Variants in AGBL4 observed in about 807,000 individuals in gnomAD.
AGBL4 encodes cytosolic carboxypeptidase 6.
In AGBL4, 58 loss-of-function variants were observed where a neutral mutation model predicts 66.4. The observed-to-expected ratio is 0.87, with a 90% CI of 0.71 to 1.09. AGBL4 has a LOEUF of 1.09. AGBL4 is among the 50% of genes least tolerant of loss of function. AGBL4 has a pLI of 0.00. For missense variants in AGBL4, 579 were observed against 631.0 expected (o/e 0.92, Z 0.88); for synonymous variants, 234 against 222.9 (o/e 1.05, Z -0.44).
chr1:48,549,629 C>T (rs1478142646), intron 11 of AGBL4, among the ~76,000 whole-genome samples: 1 of 151,784 alleles, frequency 6.6e-6, no homozygotes, highest in Non-Finnish European at 1.5e-5. Context: ...AGAAACTGGT[C>T]AGGATGAGGC....
chr1:48,759,463 A>C lies in AGBL4; in HGVS notation c.635-96222T>G. On this transcript the variant is annotated intron_variant, in intron 6 of 13. Coordinates refer to ENST00000371839, the MANE Select transcript of AGBL4 (RefSeq NM_032785.4). ...TTTATAAATGGGGAAACATTTTATA[A>C]ATTTTATAAATGGGGTTCCGAGTGG... is the stretch of plus-strand genomic sequence containing the variant. 2.5e-6 allele frequency: 3 copies of C among 1,211,158 alleles called. No individual in the cohort carries two copies. The South Asian group carries it at 5.0e-5, about 20-fold the overall frequency. The allele number at this position is 1,211,158 out of a possible 1,614,324, so 75.0% of individuals were successfully genotyped here. A position where few individuals can be genotyped will look rare whatever the true frequency, so the allele number is the denominator to read the frequency against.
At chr1:49,135,638 G>A (rs374495886) in intron 4 of AGBL4, among the ~76,000 whole-genome samples, 2 of 152,290 alleles carry the variant, frequency 1.3e-5, no homozygotes, top group East Asian at 3.9e-4. Flanking sequence ...GGAATAGGTT[G>A]GGCTAGTTAA....
At chr1:48,601,581 T>C (rs1208550406) in intron 9 of AGBL4, among the ~76,000 whole-genome samples, 2 of 152,228 alleles carry the variant, frequency 1.3e-5, no homozygotes, top group Non-Finnish European at 2.9e-5. Context: ...TTCTTCCTTG[T>C]TCAATATGAA....
At chr1:49,125,374 T>C (rs564597100) in intron 4 of AGBL4, among the ~76,000 whole-genome samples, 10 of 152,246 alleles carry the variant, frequency 6.6e-5, no homozygotes, top group African/African-American at 2.4e-4. Context: ...TTCAAATAAT[T>C]TTCCCCTAGT....
intron 4 of AGBL4, among the ~76,000 whole-genome samples, chr1:49,122,152 C>T (rs1463129714): frequency 5.3e-5 from 8 of 152,206 alleles, no homozygotes; most frequent in African/African-American, 9.7e-5. Flanking sequence ...AATCCCTCAA[C>T]CCCTTGCACT....
At chr1:49,737,768 C>T (rs1297502697) in intron 2 of AGBL4, among the ~76,000 whole-genome samples, 1 of 152,168 alleles carries the variant, frequency 6.6e-6, no homozygotes, top group African/African-American at 2.4e-5. Flanking sequence ...ATTCAGAGTG[C>T]TGAAAGAAAA....
intron 3 of AGBL4, among the ~76,000 whole-genome samples, chr1:49,561,778 G>A (rs1389410300): frequency 1.3e-5 from 2 of 152,122 alleles, no homozygotes; most frequent in Non-Finnish European, 2.9e-5. Context: ...ACGTGTGCAT[G>A]TGTCTTTATA....
At chr1:49,899,432 A>C (rs1392216954) in intron 1 of AGBL4, among the ~76,000 whole-genome samples, 1 of 152,092 alleles carries the variant, frequency 6.6e-6, no homozygotes, top group Admixed American at 6.6e-5. Context: ...TGATGGATAC[A>C]CAATATACAC....
At chr1:49,867,389 T>A (rs1646728896) in intron 1 of AGBL4, among the ~76,000 whole-genome samples, 1 of 151,320 alleles carries the variant, frequency 6.6e-6, no homozygotes, top group Non-Finnish European at 1.5e-5. Context: ...GTGCACAACA[T>A]GCAGGTTTGT....
At chr1:48,762,519 C>T (rs1644313112) in intron 6 of AGBL4, among the ~76,000 whole-genome samples, 1 of 151,934 alleles carries the variant, frequency 6.6e-6, no homozygotes, top group South Asian at 2.1e-4. Context: ...TCAAAGGTTC[C>T]CACTGGTGTA....
chr1:49,650,576 CT>C (rs1420424215), intron 3 of AGBL4, among the ~76,000 whole-genome samples: 1 of 152,184 alleles, frequency 6.6e-6, no homozygotes, highest in Non-Finnish European at 1.5e-5. Flanking sequence ...GGCCATTGCT[CT>C]TCCTGGGGAT....
chr1:48,926,859 C>T (rs1201802893), intron 5 of AGBL4, among the ~76,000 whole-genome samples: 3 of 151,996 alleles, frequency 2.0e-5, no homozygotes, highest in Non-Finnish European at 2.9e-5. Flanking sequence ...GTGTTAGTAG[C>T]AATAGTAGTA....
At chr1:48,578,601 C>T (rs928169041) in intron 11 of AGBL4, among the ~76,000 whole-genome samples, 2 of 152,156 alleles carry the variant, frequency 1.3e-5, no homozygotes, top group East Asian at 3.9e-4. Context: ...TTAGTGAAGG[C>T]TCTCTGGCAA....
At chr1:49,651,795 G>A (rs1646011662) in intron 3 of AGBL4, among the ~76,000 whole-genome samples, 1 of 152,128 alleles carries the variant, frequency 6.6e-6, no homozygotes, top group African/African-American at 2.4e-5. Flanking sequence ...AACTCTGGCA[G>A]TACAAAAAGA....
chr1:48,731,164 C>T (rs1648067588), intron 6 of AGBL4, among the ~76,000 whole-genome samples: 1 of 152,108 alleles, frequency 6.6e-6, no homozygotes, highest in South Asian at 2.1e-4. Context: ...AGACAGCTTG[C>T]ATGGGAAGAA....
intron 3 of AGBL4, among the ~76,000 whole-genome samples, chr1:49,537,006 CAAA>C (rs998466304): frequency 1.5e-5 from 2 of 130,356 alleles, no homozygotes; most frequent in Non-Finnish European, 1.6e-5. Context: ...GACTCCATCT[CAAA>C]AAAAAAAAAA....
intron 1 of AGBL4, among the ~76,000 whole-genome samples, chr1:49,998,929 C>T (rs1660552898): frequency 6.6e-6 from 1 of 151,852 alleles, no homozygotes; most frequent in Admixed American, 6.6e-5. Context: ...GGAAGGGACA[C>T]CCCTTAGGTA....
intron 3 of AGBL4, among the ~76,000 whole-genome samples, chr1:49,637,130 T>C (rs1645690063): frequency 6.6e-6 from 1 of 152,164 alleles, no homozygotes. Flanking sequence ...GGACTGGGAC[T>C]GGCTCTCCTT....
rs141416135 is a variant in AGBL4, at chr1:49,735,294, T to TGG, written c.158-37859_158-37858dup. Among the ~76,000 whole-genome samples, 150 of 105,204 alleles carry TGG rather than the reference T, an allele frequency of 1.4e-3. 1 individual carries two copies. The highest frequency in any genetic ancestry group is 0.011 in the Admixed American group (120 of 10,476). The allele number at this position is 105,204 out of a possible 152,430, so 69.0% of individuals were successfully genotyped here. A position where few individuals can be genotyped will look rare whatever the true frequency, so the allele number is the denominator to read the frequency against. ...CTTAAAACAAAGAGGTAGAGGTGTGTGGGTGTGTGTGTGTGTGTGTGTGTG... is the reference window on the plus strand; with the variant it reads ...CTTAAAACAAAGAGGTAGAGGTGTGTGGGGGTGTGTGTGTGTGTGTGTGTGTG... On this transcript the variant is annotated intron_variant, in intron 2 of 13. Coordinates refer to ENST00000371839, the MANE Select transcript of AGBL4 (RefSeq NM_032785.4).
Sources: gnomAD v4.1 joint callset for allele counts (sites outside exome capture counted in the v4.1 genomes callset) on GRCh38, gnomAD v4.1.1 for gene constraint, MANE v1.5 for transcripts, NCBI Gene and HGNC (gene_info 2026-07-23, HGNC 2026-07-21) for gene names.